TMPRSS9: variants seen among roughly 807,000 people sequenced by gnomAD.
The protein encoded by TMPRSS9 is transmembrane serine protease 9.
TMPRSS9 carries 113 observed loss-of-function variants against 111.4 expected under a neutral mutation model. The ratio of observed to expected loss-of-function variants is 1.01; its 90% CI spans 0.87 to 1.19. TMPRSS9 has a LOEUF of 1.19. Among genes scored for constraint, TMPRSS9 ranks in the 50% most tolerant of loss-of-function variants. The probability of loss-of-function intolerance (pLI) is 0.00; values close to 1 mark genes in which losing one functional copy is unlikely to be tolerated. For missense variants in TMPRSS9, 1,803 were observed against 1,513.1 expected, an observed-to-expected ratio of 1.19 and a Z score of -3.18; for synonymous variants, 805 against 659.1, an observed-to-expected ratio of 1.22 and a Z score of -3.39.
upstream of TMPRSS9, among the ~76,000 whole-genome samples, chr19:2,386,080 G>T (rs1970468969): frequency 6.6e-6 from 1 of 152,040 alleles, no homozygotes; most frequent in Admixed American, 6.6e-5. Context: ...GAGTAGCTGG[G>T]ATCACAGATA....
chr19:2,362,904 TTG>T (rs1291072110), intron 1 of TMPRSS9, among the ~76,000 whole-genome samples: 1 of 151,380 alleles, frequency 6.6e-6, no homozygotes, highest in Non-Finnish European at 1.5e-5. Flanking sequence ...TTGTGTGAGG[TTG>T]TGTGTGGTAA....
At chr19:2,409,301 G>A (rs1971047862) in intron 8 of TMPRSS9, among the ~76,000 whole-genome samples, 1 of 151,502 alleles carries the variant, frequency 6.6e-6, no homozygotes, top group Admixed American at 6.6e-5. Context: ...ACCACACCCG[G>A]CAACTTTATT....
intron 13 of TMPRSS9, among the ~76,000 whole-genome samples, chr19:2,418,342 TCC>T (rs1568189478): frequency 9.6e-5 from 4 of 41,826 alleles, no homozygotes; most frequent in African/African-American, 6.5e-4. Context: ...TTTCCTTCCC[TCC>T]CTTTCCCTCC....
exon 12 of TMPRSS9, chr19:2,416,659 C>T (rs1452172573): frequency 1.9e-5 from 31 of 1,613,010 alleles, no homozygotes; most frequent in Non-Finnish European, 2.5e-5. Flanking sequence ...CCCTGGCATC[C>T]TGGACTTCGA....
At chr19:2,387,081 G>T (rs1000162023), upstream of TMPRSS9, among the ~76,000 whole-genome samples, 6 of 151,934 alleles carry the variant, frequency 3.9e-5, no homozygotes, top group Non-Finnish European at 5.9e-5. Flanking sequence ...ATGAGGCCGG[G>T]TGCAGTGGCT....
intron 1 of TMPRSS9, among the ~76,000 whole-genome samples, chr19:2,380,199 A>G (rs556743135): frequency 6.6e-6 from 1 of 152,222 alleles, no homozygotes; most frequent in East Asian, 1.9e-4. Flanking sequence ...CAAGAGGATC[A>G]TTTGAGCCCA....
At chr19:2,369,221 A>T (rs576649845) in intron 1 of TMPRSS9, among the ~76,000 whole-genome samples, 2 of 152,276 alleles carry the variant, frequency 1.3e-5, no homozygotes, top group East Asian at 3.9e-4. Context: ...ATGGGATTAC[A>T]GGCGTGAGCC....
At chr19:2,392,308 G>A (rs1042013338) in intron 1 of TMPRSS9, among the ~76,000 whole-genome samples, 4 of 152,160 alleles carry the variant, frequency 2.6e-5, no homozygotes, top group Non-Finnish European at 5.9e-5. Flanking sequence ...TGGGAGGATT[G>A]CTTGAGCCCA....
At chr19:2,414,162 G>A (rs1340506597) in intron 10 of TMPRSS9, 144 bp downstream of exon 11, 9 of 838,212 alleles carry the variant, frequency 1.1e-5, no homozygotes, top group East Asian at 5.4e-5. Context: ...CCCATCTTAC[G>A]TTGCGTGTAC....
At chr19:2,409,458 A>G (rs1342297635) in intron 8 of TMPRSS9, among the ~76,000 whole-genome samples, 1 of 152,004 alleles carries the variant, frequency 6.6e-6, no homozygotes, top group African/African-American at 2.4e-5. Flanking sequence ...ATTGATCTTA[A>G]TGTACTAAAA....
chr19:2,416,163 C>T (rs1971226088), intron 11 of TMPRSS9: 1 of 418,830 alleles, frequency 2.4e-6, no homozygotes, highest in South Asian at 4.9e-5. Context: ...TGCTTGAGCC[C>T]AGGAGGTCGA....
chr19:2,379,950 T>G (rs1300376473), intron 1 of TMPRSS9, among the ~76,000 whole-genome samples: 1 of 151,832 alleles, frequency 6.6e-6, no homozygotes, highest in Non-Finnish European at 1.5e-5. Flanking sequence ...GGTCTTATTA[T>G]GTTGCCCAAG....
chr19:2,418,080 C>T, exon 13 of TMPRSS9: 1 of 1,612,378 alleles, frequency 6.2e-7, no homozygotes, highest in Non-Finnish European at 8.5e-7. Context: ...TACAACTTCT[C>T]CCTCACAGAC....
At chr19:2,374,632 C>T (rs944685408) in intron 1 of TMPRSS9, among the ~76,000 whole-genome samples, 3 of 151,896 alleles carry the variant, frequency 2.0e-5, no homozygotes, top group African/African-American at 7.3e-5. Context: ...TGTTTGAGAC[C>T]CTGTTGGAGG....
chr19:2,424,349 T>C, intron 15 of TMPRSS9, 92 bp downstream of exon 16: 2 of 1,233,262 alleles, frequency 1.6e-6, no homozygotes, highest in South Asian at 3.3e-5. Context: ...ACCCCCTCCT[T>C]TGCCGGGAGT....
chr19:2,361,298 G>A (rs1470985647), intron 1 of TMPRSS9, among the ~76,000 whole-genome samples: 1 of 111,732 alleles, frequency 8.9e-6, no homozygotes, highest in Non-Finnish European at 1.9e-5. Flanking sequence ...GGGTTGGTGG[G>A]GTGCAGGGCT....
At chr19:2,421,826 C>G in intron 13 of TMPRSS9, 28 bp from the exon 15 acceptor site, 1 of 1,560,754 alleles carries the variant, frequency 6.4e-7, no homozygotes, top group South Asian at 1.2e-5. Context: ...CCTGGAGGAC[C>G]AACCAGTGCT....
intron 8 of TMPRSS9, among the ~76,000 whole-genome samples, chr19:2,409,285 T>C (rs7259020): frequency 0.092 from 13,878 of 151,100 alleles, 903 homozygotes; most frequent in East Asian, 0.26. Context: ...ACTATAGGCA[T>C]GCACCACCAC....
At chr19:2,379,726 C>A in intron 1 of TMPRSS9, among the ~76,000 whole-genome samples, 1 of 142,816 alleles carries the variant, frequency 7.0e-6, no homozygotes, top group South Asian at 2.2e-4. Flanking sequence ...TCCTCTTTTT[C>A]TCTTTCTCTC....
Sources: allele counts gnomAD v4.1 joint callset (sites outside exome capture counted in the v4.1 genomes callset), GRCh38; gene constraint gnomAD v4.1.1; transcripts MANE v1.5; gene names NCBI Gene and HGNC (gene_info 2026-07-23, HGNC 2026-07-21).